Variants in ADGRL2 observed in about 807,000 individuals in gnomAD.
The protein encoded by ADGRL2 is adhesion G protein-coupled receptor L2.
Under a neutral mutation model 157.4 loss-of-function variants are expected in ADGRL2, and 44 were observed. The observed-to-expected ratio is 0.28, with a 90% confidence interval of 0.22 to 0.36. The LOEUF (loss-of-function observed/expected upper bound fraction) is 0.36. Among genes scored for constraint, ADGRL2 ranks in the 10% least tolerant of loss-of-function variants. ADGRL2 has a pLI of 1.00. For missense variants in ADGRL2, 1,510 were observed against 1,768.9 expected, an observed-to-expected ratio of 0.85 and a Z score of 2.63; for synonymous variants, 585 against 624.7, an observed-to-expected ratio of 0.94 and a Z score of 0.95.
chr1:81,807,678 A>G (rs1454744545), intron 1 of ADGRL2, among the ~76,000 whole-genome samples: 1 of 151,940 alleles, frequency 6.6e-6, no homozygotes, highest in Non-Finnish European at 1.5e-5. Flanking sequence ...TGTCAACCCT[A>G]AATTTTACTC....
At chr1:81,713,791 G>C (rs987744906) in intron 1 of ADGRL2, among the ~76,000 whole-genome samples, 1 of 152,180 alleles carries the variant, frequency 6.6e-6, no homozygotes, top group Non-Finnish European at 1.5e-5. Flanking sequence ...ACCCTGAGGG[G>C]CTTGTCTCAA....
At chr1:81,789,908 C>T (rs897785054) in intron 2 of ADGRL2, among the ~76,000 whole-genome samples, 1 of 151,894 alleles carries the variant, frequency 6.6e-6, no homozygotes, top group Non-Finnish European at 1.5e-5. Context: ...AGGTAGTGTT[C>T]CAGGCTTTGA....
intron 1 of ADGRL2, among the ~76,000 whole-genome samples, chr1:81,718,716 C>T (rs1467574745): frequency 1.3e-5 from 2 of 152,206 alleles, no homozygotes; most frequent in Non-Finnish European, 2.9e-5. Flanking sequence ...CAATCTTCCC[C>T]AAAGCAGTTG....
At chr1:81,884,758 A>G (rs942521856) in intron 2 of ADGRL2, among the ~76,000 whole-genome samples, 1 of 152,202 alleles carries the variant, frequency 6.6e-6, no homozygotes, top group African/African-American at 2.4e-5. Flanking sequence ...AATAATGAAT[A>G]TATAGAATCA....
At chr1:81,428,870 G>A (rs1272161251) in intron 1 of ADGRL2, among the ~76,000 whole-genome samples, 1 of 152,074 alleles carries the variant, frequency 6.6e-6, no homozygotes, top group Non-Finnish European at 1.5e-5. Flanking sequence ...GGGAGAGAGA[G>A]GGACAGTGGG....
chr1:81,813,174 C>CAAAA (rs1251216889), intron 1 of ADGRL2, among the ~76,000 whole-genome samples: 2 of 151,486 alleles, frequency 1.3e-5, no homozygotes, highest in Non-Finnish European at 3.0e-5. Flanking sequence ...CCAGTCTTTT[C>CAAAA]ATTTTTCCAT....
At chr1:81,591,661 T>G (rs2081135865) in intron 3 of ADGRL2, among the ~76,000 whole-genome samples, 1 of 152,174 alleles carries the variant, frequency 6.6e-6, no homozygotes, top group Non-Finnish European at 1.5e-5. Context: ...ATGACAAAAG[T>G]GACGGTACAT....
At chr1:81,872,821 G>GTGTTAA (rs2093734510) in intron 2 of ADGRL2, among the ~76,000 whole-genome samples, 1 of 152,026 alleles carries the variant, frequency 6.6e-6, no homozygotes, top group Admixed American at 6.6e-5. Context: ...TATTGTGATG[G>GTGTTAA]TGTTAATGCC....
chr1:81,512,821 C>T (rs2079104050), intron 2 of ADGRL2, among the ~76,000 whole-genome samples: 1 of 152,092 alleles, frequency 6.6e-6, no homozygotes, highest in African/African-American at 2.4e-5. Flanking sequence ...CACAGCCCCC[C>T]TGCAGGACAA....
chr1:81,624,925 C>T (rs915281326), intron 3 of ADGRL2, among the ~76,000 whole-genome samples: 1 of 152,178 alleles, frequency 6.6e-6, no homozygotes, highest in Non-Finnish European at 1.5e-5. Context: ...TAAGCTTATA[C>T]TTTGTCTAGA....
chr1:81,779,732 G>A (rs2086738673), intron 2 of ADGRL2, among the ~76,000 whole-genome samples: 2 of 152,190 alleles, frequency 1.3e-5, no homozygotes, highest in South Asian at 4.1e-4. Flanking sequence ...TGCATAGGCA[G>A]AACACAGCTT....
intron 1 of ADGRL2, among the ~76,000 whole-genome samples, chr1:81,413,747 A>G (rs74094108): frequency 0.082 from 12,494 of 152,272 alleles, 578 homozygotes; most frequent in East Asian, 0.21. Context: ...ACTATCAGAC[A>G]GCTTCTCATT....
At chr1:81,525,322 CA>C (rs1027235468) in intron 2 of ADGRL2, among the ~76,000 whole-genome samples, 1 of 149,956 alleles carries the variant, frequency 6.7e-6, no homozygotes, top group Non-Finnish European at 1.5e-5. Context: ...TTCCAAAGTG[CA>C]CTTTTTTTTT....
intron 2 of ADGRL2, among the ~76,000 whole-genome samples, chr1:81,778,591 C>T (rs754650628): frequency 6.6e-6 from 1 of 152,006 alleles, no homozygotes; most frequent in Non-Finnish European, 1.5e-5. Context: ...TAAGCTATTC[C>T]GCACCGCTCA....
chr1:81,964,107 A>C (rs1452523670), intron 11 of ADGRL2, among the ~76,000 whole-genome samples: 1 of 151,944 alleles, frequency 6.6e-6, no homozygotes, highest in South Asian at 2.1e-4. Flanking sequence ...TGTAGTCATG[A>C]TCTTACTACT....
At chr1:81,713,242 T>C (rs2083997784) in intron 1 of ADGRL2, among the ~76,000 whole-genome samples, 3 of 152,140 alleles carry the variant, frequency 2.0e-5, no homozygotes, top group African/African-American at 7.2e-5. Context: ...ACTTTTGAGA[T>C]ACACTCTGAG....
In ADGRL2 at chr1:81,629,697, GTA is replaced by G. The variant is rs1491047621; in HGVS notation, c.-143+48719_-143+48720del. Among the ~76,000 whole-genome samples, 135 of 145,768 alleles carry G rather than the reference GTA, an allele frequency of 9.3e-4. 1 individual carries two copies. The highest frequency in any genetic ancestry group is 3.2e-3 in the African/African-American group (124 of 38,650). ...TGTGTGTGTGTGTGTGTGTGTGTGTGTATGTAGATATATGTATACATATGTAT... is the reference window on the plus strand; with the variant it reads ...TGTGTGTGTGTGTGTGTGTGTGTGTGTGTAGATATATGTATACATATGTAT... On this transcript the variant is annotated intron_variant, in intron 3 of 24. Transcript: ENST00000370721.
intron 1 of ADGRL2, among the ~76,000 whole-genome samples, chr1:81,391,303 A>G (rs1306456959): frequency 6.6e-6 from 1 of 152,420 alleles, no homozygotes; most frequent in South Asian, 2.1e-4. Flanking sequence ...GCTAACATCA[A>G]TTGCAACACC....
At chr1:81,501,906 A>G (rs2078860906) in intron 2 of ADGRL2, 1 of 1,613,150 alleles carries the variant, frequency 6.2e-7, no homozygotes, top group Non-Finnish European at 8.5e-7. Flanking sequence ...CAGTTCTTGT[A>G]TGCCCAAAAG....
Sources: gnomAD v4.1 joint callset for allele counts (sites outside exome capture counted in the v4.1 genomes callset) on GRCh38, gnomAD v4.1.1 for gene constraint, MANE v1.5 for transcripts, NCBI Gene and HGNC (gene_info 2026-07-23, HGNC 2026-07-21) for gene names.